FRMPD1: variants seen among roughly 807,000 people sequenced by gnomAD.
FRMPD1 encodes the protein FERM and PDZ domain-containing protein 1.
Under a neutral mutation model 117.8 loss-of-function variants are expected in FRMPD1, and 76 were observed. That is an observed-to-expected ratio of 0.65 (90% CI 0.54 to 0.78). FRMPD1 has a LOEUF of 0.78. Among genes scored for constraint, FRMPD1 ranks in the 30% least tolerant of loss-of-function variants. The pLI is 0.00. For synonymous variants in FRMPD1, 783 were observed against 770.4 expected, an observed-to-expected ratio of 1.02 and a Z score of -0.27; for missense variants, 1,786 against 1,964.5, an observed-to-expected ratio of 0.91 and a Z score of 1.72.
At chr9:37,731,144 TCAAAGA>T (rs773371806) in intron 9 of FRMPD1, 41 bp downstream of exon 9, 2 of 1,597,182 alleles carry the variant, frequency 1.3e-6, no homozygotes, top group Admixed American at 3.3e-5. Context: ...GTGGTTGTTC[TCAAAGA>T]TGGTGCACTG....
chr9:37,648,414 A>G (rs1820567770), upstream of FRMPD1, among the ~76,000 whole-genome samples: 1 of 152,190 alleles, frequency 6.6e-6, no homozygotes, highest in South Asian at 2.1e-4. Context: ...TAAGGAGTTA[A>G]GACTTTGCTG....
chr9:37,607,302 T>C, the FRMPD1 span, among the ~76,000 whole-genome samples: 1 of 152,096 alleles, frequency 6.6e-6, no homozygotes, highest in East Asian at 1.9e-4. Context: ...GGTGACAAAG[T>C]GAGACTCCAT....
intron 1 of FRMPD1, among the ~76,000 whole-genome samples, chr9:37,682,749 G>GA (rs1175508349): frequency 6.6e-6 from 1 of 152,078 alleles, no homozygotes; most frequent in African/African-American, 2.4e-5. Context: ...GTTTTACTAA[G>GA]AAAAAATGGT....
chr9:37,710,083 T>C (rs1008124512), intron 4 of FRMPD1, among the ~76,000 whole-genome samples: 4 of 152,198 alleles, frequency 2.6e-5, no homozygotes, highest in African/African-American at 9.6e-5. Context: ...AACAAAAAGA[T>C]ACAACAACAA....
At chr9:37,655,496 C>T (rs1588902072) in intron 1 of FRMPD1, among the ~76,000 whole-genome samples, 1 of 88,600 alleles carries the variant, frequency 1.1e-5, no homozygotes, top group East Asian at 4.9e-4. Context: ...TGTCCCCACT[C>T]TTTTTTTTTT....
At chr9:37,741,748 A>G (rs1425041000) in intron 15 of FRMPD1, among the ~76,000 whole-genome samples, 1 of 152,136 alleles carries the variant, frequency 6.6e-6, no homozygotes, top group East Asian at 1.9e-4. Context: ...CATTCCTGCC[A>G]TACAGACCTC....
chr9:37,726,142 AT>A (rs1232051919), intron 7 of FRMPD1, among the ~76,000 whole-genome samples: 2 of 152,164 alleles, frequency 1.3e-5, no homozygotes, highest in African/African-American at 4.8e-5. Flanking sequence ...TAATAGCCAA[AT>A]TTTTTAAAGC....
chr9:37,737,590 G>T (rs1824193079), intron 14 of FRMPD1, among the ~76,000 whole-genome samples: 1 of 152,118 alleles, frequency 6.6e-6, no homozygotes, highest in Non-Finnish European at 1.5e-5. Flanking sequence ...TTGTGAAGCT[G>T]AGGCAGGTGG....
In FRMPD1 at chr9:37,724,329, A is replaced by T. The variant is rs1275074782; in HGVS notation, c.612+9A>T. The stretch of plus-strand genomic sequence containing the variant: ...CAAACACAACCGTGAAGGTATTAAG[A>T]ATAAACTTGAACTTCTTTTCCCAAG... On this transcript the variant is annotated intron_variant, in intron 7 of 15. Coordinates refer to ENST00000377765, the MANE Select transcript of FRMPD1 (RefSeq NM_014907.3). 4.9e-6 allele frequency: 7 copies of T among 1,422,594 alleles called. No individual in the cohort carries two copies. The highest frequency in any genetic ancestry group is 6.0e-6 in the Non-Finnish European group (6 of 1,005,978). The allele number at this position is 1,422,594 out of a possible 1,614,324, so 88.1% of individuals were successfully genotyped here.
chr9:37,743,432 A>G (rs1824515590), intron 15 of FRMPD1, among the ~76,000 whole-genome samples: 1 of 150,608 alleles, frequency 6.6e-6, no homozygotes, highest in Non-Finnish European at 1.5e-5. Flanking sequence ...ACCTGGGTTC[A>G]GAAATAGACA....
At chr9:37,684,700 G>A (rs1326156005) in intron 1 of FRMPD1, among the ~76,000 whole-genome samples, 1 of 152,124 alleles carries the variant, frequency 6.6e-6, no homozygotes, top group Non-Finnish European at 1.5e-5. Context: ...AACAGAATTT[G>A]GTGACTGAAT....
chr9:37,614,231 G>T, the FRMPD1 span, among the ~76,000 whole-genome samples: 1 of 152,188 alleles, frequency 6.6e-6, no homozygotes, highest in South Asian at 2.1e-4. Flanking sequence ...TAGGCATGTG[G>T]GACTGAGGGG....
At chr9:37,637,973 T>TTTC in the FRMPD1 span, among the ~76,000 whole-genome samples, 2 of 96,344 alleles carry the variant, frequency 2.1e-5, no homozygotes, top group African/African-American at 7.8e-5. Context: ...GCTTTCTTTC[T>TTTC]TTCTTTCTTT....
At position 37,745,812 on chromosome 9, in the gene FRMPD1, A is replaced by G; in HGVS notation, c.3780A>G (p.Leu1260=). 6.2e-7 allele frequency: 1 copy of G among 1,613,996 alleles called. No homozygotes were observed. The highest frequency in any genetic ancestry group is 8.5e-7 in the Non-Finnish European group (1 of 1,179,906). ...FNPEPSLPEP[L]PCPQEDPHLE... Reference sequence around the variant, plus strand: ...CTGAGCCTTCCCTGCCAGAACCACTACCATGTCCACAAGAGGATCCTCACT... The same window carrying G: ...CTGAGCCTTCCCTGCCAGAACCACTGCCATGTCCACAAGAGGATCCTCACT... The change falls in exon 16 of 16, where the codon CTA becomes CTG. Residue 1260 remains leucine (L), a synonymous_variant. Coordinates refer to ENST00000377765, the MANE Select transcript of FRMPD1 (RefSeq NM_014907.3).
the FRMPD1 span, among the ~76,000 whole-genome samples, chr9:37,632,757 T>G: frequency 0.032 from 4,915 of 152,022 alleles, 291 homozygotes; most frequent in African/African-American, 0.11. Flanking sequence ...CAAGACTGAG[T>G]CCTTAGTGCA....
intron 4 of FRMPD1, among the ~76,000 whole-genome samples, chr9:37,709,124 C>G (rs375407230): frequency 6.6e-6 from 1 of 152,020 alleles, no homozygotes; most frequent in South Asian, 2.1e-4. Flanking sequence ...GACTTTAAGA[C>G]GGAGGAGTGC....
At chr9:37,613,344 G>A in the FRMPD1 span, among the ~76,000 whole-genome samples, 1 of 152,142 alleles carries the variant, frequency 6.6e-6, no homozygotes, top group South Asian at 2.1e-4. Context: ...CCTTACAGGT[G>A]GTAGATGAGA....
At chr9:37,735,164 T>C (rs1185053660) in intron 12 of FRMPD1, among the ~76,000 whole-genome samples, 1 of 152,078 alleles carries the variant, frequency 6.6e-6, no homozygotes, top group African/African-American at 2.4e-5. Flanking sequence ...GAAAGGGAGA[T>C]TTCTGGCTTA....
At chr9:37,682,289 T>G (rs1395103590) in intron 1 of FRMPD1, among the ~76,000 whole-genome samples, 1 of 152,070 alleles carries the variant, frequency 6.6e-6, no homozygotes, top group Non-Finnish European at 1.5e-5. Flanking sequence ...TCATGAGGAG[T>G]GAATGAAATC....
Sources: allele counts gnomAD v4.1 joint callset (sites outside exome capture counted in the v4.1 genomes callset), GRCh38; gene constraint gnomAD v4.1.1; transcripts MANE v1.5; gene names NCBI Gene and HGNC (gene_info 2026-07-23, HGNC 2026-07-21).